Variants in TG observed in about 807,000 individuals in gnomAD.
The protein encoded by TG is thyroglobulin, also known as thyroid hormones.
A neutral mutation model predicts 324.7 loss-of-function variants in TG; 270 were observed. The ratio of observed to expected loss-of-function variants is 0.83; its 90% CI spans 0.75 to 0.92. TG has a LOEUF of 0.92. Ranked by LOEUF, TG falls within the 40% of genes least tolerant of loss-of-function variation. The probability of loss-of-function intolerance (pLI) is 0.00; values close to 1 mark genes in which losing one functional copy is unlikely to be tolerated. For missense variants in TG, 3,591 were observed against 3,456.4 expected (o/e 1.04, Z -0.98); for synonymous variants, 1,401 against 1,327.0 (o/e 1.06, Z -1.21).
At chr8:133,075,942 A>G (rs1468036079) in intron 41 of TG, 1 of 152,194 alleles carries the variant, frequency 6.6e-6, no homozygotes, top group Admixed American at 6.5e-5. Flanking sequence ...TATGTTATAT[A>G]TTATAAAATG....
intron 26 of TG, among the ~76,000 whole-genome samples, chr8:132,947,828 A>G (rs1367106365): frequency 6.6e-6 from 1 of 152,258 alleles, no homozygotes; most frequent in East Asian, 1.9e-4. Flanking sequence ...AATATACTTA[A>G]AGACTTACCA....
At chr8:132,870,995 G>A (rs1034428972) in intron 3 of TG, among the ~76,000 whole-genome samples, 14 of 152,136 alleles carry the variant, frequency 9.2e-5, no homozygotes, top group Admixed American at 8.5e-4. Context: ...TAGCCTACAA[G>A]CAGAGTGGTG....
chr8:133,055,361 GCGCGCACACACACACACACACACACA>G (rs1841220610), intron 41 of TG, among the ~76,000 whole-genome samples: 2 of 131,658 alleles, frequency 1.5e-5, no homozygotes, highest in African/African-American at 5.2e-5. Flanking sequence ...ACACACGCAC[GCGCGCACACACACACACACACACACA>G]CACACACACA....
chr8:132,897,558 GT>G, intron 11 of TG, 90 bp from the exon 12 acceptor site: 2 of 1,559,726 alleles, frequency 1.3e-6, no homozygotes, highest in Non-Finnish European at 1.8e-6. Context: ...GCCTCCTTAT[GT>G]TGGAACCAGG....
chr8:133,001,918 G>T, intron 35 of TG: 1 of 985,412 alleles, frequency 1.0e-6, no homozygotes, highest in Non-Finnish European at 1.2e-6. Context: ...GCAATCACTT[G>T]ATGAGTGCTG....
intron 40 of TG, among the ~76,000 whole-genome samples, chr8:133,025,707 T>C (rs1349107738): frequency 6.6e-6 from 1 of 152,186 alleles, no homozygotes; most frequent in African/African-American, 2.4e-5. Flanking sequence ...CCCTCCAACT[T>C]TCCTGTGCTC....
At chr8:132,907,091 A>T (rs1470622657) in intron 17 of TG, among the ~76,000 whole-genome samples, 191 bp downstream of exon 17, 1 of 151,688 alleles carries the variant, frequency 6.6e-6, no homozygotes, top group African/African-American at 2.4e-5. Flanking sequence ...TCCTTCACAG[A>T]CTCCTGGAGT....
Position 132,911,434 on chromosome 8 carries a change from G to T in TG, c.4060G>T (p.Val1354Leu). The T allele has an allele frequency of 1.9e-6, 3 of 1,614,234 alleles. No individual in the cohort carries two copies. Among genetic ancestry groups the T allele is most frequent in the Non-Finnish European group, 2.5e-6 (3 of 1,180,032 alleles). ...IPVCNNSSVQ[V>L]GCLTRERLGV... ...TGTCTGCAACAACTCCTCTGTGCAG[G>T]TGGGTTGTCTGACCAGGGAGCGTTT... The change falls in exon 19 of 48, where the codon GTG (valine) becomes TTG (leucine). Residue 1354 changes from valine to leucine, a missense_variant. Coordinates refer to ENST00000220616, the MANE Select transcript of TG (RefSeq NM_003235.5).
At chr8:132,969,039 A>C (rs985010641) in intron 31 of TG, among the ~76,000 whole-genome samples, 1 of 152,098 alleles carries the variant, frequency 6.6e-6, no homozygotes, top group Admixed American at 6.5e-5. Flanking sequence ...GAGCATCTAG[A>C]GGCCAAATAG....
In TG at chr8:132,966,611, A is replaced by G. The variant is rs1295171374; in HGVS notation, c.5600A>G (p.Asn1867Ser). The G allele has an allele frequency of 1.9e-6, 3 of 1,614,002 alleles. No homozygotes were observed. The highest frequency in any genetic ancestry group is 2.2e-5 in the East Asian group (1 of 44,876). Residue 1867 changes from asparagine (N) to serine (S), a missense_variant, in exon 30 of 48, where the codon AAT (asparagine) becomes AGT (serine). Physicochemically the swap from Asn to Ser is conservative, Grantham distance 46 (BLOSUM62 1). Coordinates refer to ENST00000220616, the MANE Select transcript of TG (RefSeq NM_003235.5). ...GTGGACCTCAACCAGGTCATTGTCA[A>G]TGGAAATCAATCACTATCCAGCCAG... Reference protein sequence around the residue: ...SPVDLNQVIVNGNQSLSSQKH... With the variant: ...SPVDLNQVIVSGNQSLSSQKH...
chr8:132,918,921 T>C (rs1337687075), intron 20 of TG, among the ~76,000 whole-genome samples: 2 of 152,186 alleles, frequency 1.3e-5, no homozygotes, highest in Non-Finnish European at 2.9e-5. Context: ...GGGGATAAAA[T>C]ACAGACTTTC....
intron 41 of TG, chr8:133,045,222 G>T: frequency 8.7e-7 from 1 of 1,155,250 alleles, no homozygotes; most frequent in Non-Finnish European, 1.3e-6. Context: ...CCACCCTTGG[G>T]ATACAACAGT....
chr8:132,901,564 A>AC lies in TG; in HGVS notation c.3634+16dup, dbSNP rs1467466111. 1.2e-6 allele frequency: 2 copies of AC among 1,610,432 alleles called. No homozygotes were observed. The highest frequency in any genetic ancestry group is 1.7e-5 in the Admixed American group (1 of 59,874). On this transcript the variant is annotated intron_variant, in intron 16 of 47. Coordinates refer to ENST00000220616, the MANE Select transcript of TG (RefSeq NM_003235.5). ...AGCCCGCCTGTGAGAGTAAGTCATG[A>AC]CCCCCTGGGGGGACGACGAGGCCTG...
chr8:132,871,345 CA>C lies in TG; in HGVS notation c.275-2del. The C allele has an allele frequency of 6.2e-7, 1 of 1,614,198 alleles. No individual in the cohort carries two copies. Among genetic ancestry groups the C allele is most frequent in the African/African-American group, 1.3e-5 (1 of 75,052 alleles). On this transcript the variant is annotated splice_acceptor_variant, in intron 3 of 47. Transcript: ENST00000220616. LOFTEE classifies it high-confidence loss of function. ...TATCTAACATTGCTCCTTGTACCCA[CA>C]GGTCTGTCATTTTGTCAGCTACAGA...
intron 41 of TG, among the ~76,000 whole-genome samples, chr8:133,032,862 A>G (rs143906088): frequency 6.6e-6 from 1 of 152,226 alleles, no homozygotes; most frequent in Non-Finnish European, 1.5e-5. Flanking sequence ...TATCTCACAG[A>G]TTCCTTGCAC....
At chr8:133,021,164 T>C (rs1835526628) in intron 39 of TG, among the ~76,000 whole-genome samples, 1 of 152,144 alleles carries the variant, frequency 6.6e-6, no homozygotes, top group Non-Finnish European at 1.5e-5. Context: ...ACCTGTCAAA[T>C]GTGGATAATA....
intron 35 of TG, among the ~76,000 whole-genome samples, chr8:132,990,051 C>T (rs915163326): frequency 6.6e-6 from 1 of 151,744 alleles, no homozygotes; most frequent in Non-Finnish European, 1.5e-5. Flanking sequence ...GTTCAAGAAA[C>T]GTCAGCAATA....
intron 34 of TG, among the ~76,000 whole-genome samples, chr8:132,983,106 C>A (rs1189024128): frequency 6.6e-6 from 1 of 152,118 alleles, no homozygotes; most frequent in Non-Finnish European, 1.5e-5. Flanking sequence ...AAGCCCCCAG[C>A]CTCTCTGCAG....
At chr8:132,926,965 C>T (rs1821952915) in intron 22 of TG, among the ~76,000 whole-genome samples, 1 of 152,218 alleles carries the variant, frequency 6.6e-6, no homozygotes, top group Middle Eastern at 3.4e-3. Flanking sequence ...TGTTTACTTG[C>T]AGAGTTAGTA....
Sources: gnomAD v4.1 joint callset for allele counts (sites outside exome capture counted in the v4.1 genomes callset) on GRCh38, gnomAD v4.1.1 for gene constraint, MANE v1.5 for transcripts, NCBI Gene and HGNC (gene_info 2026-07-23, HGNC 2026-07-21) for gene names.